Variants in GABRA3 observed in about 807,000 individuals in gnomAD.
GABRA3 encodes gamma-aminobutyric acid receptor subunit alpha-3.
GABRA3 carries 10 observed loss-of-function variants against 30.1 expected under a neutral mutation model. That is an observed-to-expected ratio of 0.33 (90% CI 0.20 to 0.56). The LOEUF (loss-of-function observed/expected upper bound fraction) is 0.56. GABRA3 is among the 20% of genes least tolerant of loss of function. GABRA3 has a pLI of 0.89. For synonymous variants in GABRA3, 151 were observed against 146.8 expected, an observed-to-expected ratio of 1.03 and a Z score of -0.21; for missense variants, 233 against 392.0, an observed-to-expected ratio of 0.59 and a Z score of 3.42.
chrX:152,397,688 T>C (rs1014195550), intron 1 of GABRA3, among the ~76,000 whole-genome samples: 2 of 111,860 alleles, frequency 1.8e-5, no homozygotes, highest in South Asian at 7.5e-4. Context: ...AATATACTTA[T>C]TTTCCCCTAT....
At chrX:152,409,849 C>T (rs1930025022) in intron 1 of GABRA3, among the ~76,000 whole-genome samples, 1 of 111,943 alleles carries the variant, frequency 8.9e-6, no homozygotes, top group African/African-American at 3.2e-5. Flanking sequence ...ACCTAGCAAT[C>T]CCACTGTTCA....
intron 3 of GABRA3, among the ~76,000 whole-genome samples, chrX:152,291,364 A>C (rs774062726): frequency 1.7e-4 from 19 of 112,003 alleles, no homozygotes; most frequent in Non-Finnish European, 3.4e-4. Context: ...TTGATTTTGC[A>C]TCCTGAGACT....
At position 152,401,287 on chromosome X, in the gene GABRA3, T is replaced by TAC. The variant is rs747920658; in HGVS notation, c.-26-36693_-26-36692dup. ...GTGTGTATATATATATATATATATA[T>TAC]ACACACACACACACACAAACACATA... is the stretch of plus-strand genomic sequence containing the variant. On this transcript the variant is annotated intron_variant, in intron 1 of 9. Coordinates refer to ENST00000370314, the MANE Select transcript of GABRA3 (RefSeq NM_000808.4). Among the ~76,000 whole-genome samples, 234 of 100,215 alleles carry TAC rather than the reference T, an allele frequency of 2.3e-3. 2 individuals are homozygous for TAC. The highest frequency in any genetic ancestry group is 6.8e-3 in the African/African-American group (191 of 28,023). 87.0% of individuals were successfully genotyped at this position (100,215 alleles called of 115,157 possible).
intron 3 of GABRA3, among the ~76,000 whole-genome samples, chrX:152,326,409 C>T (rs1301986720): frequency 9.0e-6 from 1 of 111,211 alleles, no homozygotes; most frequent in African/African-American, 3.3e-5. Flanking sequence ...TTGACAGATT[C>T]ACCAATGTTG....
intron 1 of GABRA3, among the ~76,000 whole-genome samples, chrX:152,393,177 C>A (rs972524430): frequency 8.9e-6 from 1 of 111,841 alleles, no homozygotes; most frequent in Non-Finnish European, 1.9e-5. Flanking sequence ...AATGATTAAA[C>A]GGGTGAAGTT....
intron 7 of GABRA3, among the ~76,000 whole-genome samples, chrX:152,199,703 G>T (rs1178595299): frequency 4.5e-5 from 5 of 110,121 alleles, no homozygotes. Flanking sequence ...CAAGATTTTG[G>T]TTTTCACTCT....
At chrX:152,330,970 A>G (rs761425928) in intron 3 of GABRA3, among the ~76,000 whole-genome samples, 3 of 111,387 alleles carry the variant, frequency 2.7e-5, no homozygotes, top group South Asian at 3.8e-4. Context: ...TGACAAAACA[A>G]TTTCATTTTT....
chrX:152,227,233 G>T lies in GABRA3; in HGVS notation c.552-2388C>A, dbSNP rs370010285. Among the ~76,000 whole-genome samples the T allele has an allele frequency of 5.6e-5, 6 of 107,647 alleles. No individual in the cohort carries two copies. In the East Asian group the frequency reaches 1.5e-3, roughly 27 times the overall value. The allele number at this position is 107,647 out of a possible 115,157, so 93.5% of individuals were successfully genotyped here. ...AATGATGAGTTCATTTCCTTTGTAG[G>T]GACATGGATGAAATTGGAAATCATC... On this transcript the variant is annotated intron_variant, in intron 5 of 9. Transcript: ENST00000370314.
At chrX:152,430,639 C>T (rs150574033) in intron 1 of GABRA3, among the ~76,000 whole-genome samples, 126 of 111,264 alleles carry the variant, frequency 1.1e-3, no homozygotes, top group African/African-American at 4.0e-3. Flanking sequence ...GGACTGATCA[C>T]AGTATTGCAT....
intron 1 of GABRA3, among the ~76,000 whole-genome samples, chrX:152,428,439 T>C (rs987547712): frequency 2.7e-5 from 3 of 112,442 alleles, no homozygotes; most frequent in Admixed American, 9.4e-5. Context: ...GTACAGGAGC[T>C]ATAAACAGGA....
intron 2 of GABRA3, among the ~76,000 whole-genome samples, chrX:152,363,370 T>C (rs1285124157): frequency 8.9e-6 from 1 of 111,980 alleles, no homozygotes; most frequent in Non-Finnish European, 1.9e-5. Flanking sequence ...GAAATCATCC[T>C]GCAGCTACTT....
At chrX:152,219,929 T>G (rs1440211003) in intron 6 of GABRA3, among the ~76,000 whole-genome samples, 1 of 111,287 alleles carries the variant, frequency 9.0e-6, no homozygotes, top group African/African-American at 3.3e-5. Flanking sequence ...GGATGAGTGA[T>G]TCTGTGTAGT....
At chrX:152,192,847 C>A (rs1264786324) in intron 8 of GABRA3, among the ~76,000 whole-genome samples, 1 of 111,995 alleles carries the variant, frequency 8.9e-6, no homozygotes, top group Non-Finnish European at 1.9e-5. Context: ...GCAAACTCTT[C>A]TTACTGCCCA....
intron 1 of GABRA3, among the ~76,000 whole-genome samples, chrX:152,398,199 A>G (rs1331275196): frequency 1.8e-5 from 2 of 111,199 alleles, no homozygotes; most frequent in African/African-American, 6.5e-5. Flanking sequence ...GGCTCTGAAT[A>G]AGGTCAGATA....
At chrX:152,289,130 A>C (rs1248089313) in intron 3 of GABRA3, among the ~76,000 whole-genome samples, 1 of 109,051 alleles carries the variant, frequency 9.2e-6, no homozygotes, top group East Asian at 2.9e-4. Context: ...TGAGCCGATC[A>C]ACAAGTGATC....
intron 1 of GABRA3, among the ~76,000 whole-genome samples, chrX:152,369,044 C>A (rs928622242): frequency 4.5e-5 from 5 of 111,399 alleles, no homozygotes; most frequent in Non-Finnish European, 5.7e-5. Context: ...ACATTGTTTT[C>A]CATAATGGCT....
chrX:152,355,092 C>T (rs1354897612), intron 2 of GABRA3, among the ~76,000 whole-genome samples: 2 of 111,000 alleles, frequency 1.8e-5, no homozygotes, highest in African/African-American at 6.5e-5. Context: ...CCAAGTCAGG[C>T]TGTAGATATG....
chrX:152,224,101 G>C (rs749801691), intron 6 of GABRA3, among the ~76,000 whole-genome samples: 1 of 111,068 alleles, frequency 9.0e-6, no homozygotes, highest in Non-Finnish European at 1.9e-5. Flanking sequence ...AATTAATTTT[G>C]ACATGATCAA....
intron 5 of GABRA3, among the ~76,000 whole-genome samples, chrX:152,235,749 G>A (rs1211804458): frequency 9.0e-6 from 1 of 111,126 alleles, no homozygotes; most frequent in East Asian, 2.8e-4. Flanking sequence ...TTCATGGATT[G>A]AAAGAATTCA....
Sources: allele counts gnomAD v4.1 joint callset (sites outside exome capture counted in the v4.1 genomes callset), GRCh38; gene constraint gnomAD v4.1.1; transcripts MANE v1.5; gene names NCBI Gene and HGNC (gene_info 2026-07-23, HGNC 2026-07-21).